LNP1: variants seen among roughly 807,000 people sequenced by gnomAD.
LNP1 encodes the protein leukemia NUP98 fusion partner 1.
In LNP1, 12 loss-of-function variants were observed where a neutral mutation model predicts 14.5. That is an observed-to-expected ratio of 0.83 (90% CI 0.53 to 1.34). The LOEUF is 1.34. Ranked by LOEUF, LNP1 falls within the 40% of genes most tolerant of loss-of-function variation. The pLI is 0.00. For missense variants in LNP1, 198 were observed against 210.9 expected, an observed-to-expected ratio of 0.94 and a Z score of 0.38; for synonymous variants, 75 against 71.4, an observed-to-expected ratio of 1.05 and a Z score of -0.26.
chr3:100,450,243 A>G (rs2148908328), intron 2 of LNP1, among the ~76,000 whole-genome samples: 1 of 149,938 alleles, frequency 6.7e-6, no homozygotes, highest in Middle Eastern at 3.4e-3. Flanking sequence ...GAAACAAACA[A>G]CAATAAAAAA....
intron 1 of LNP1, among the ~76,000 whole-genome samples, chr3:100,410,426 C>G (rs1215399797): frequency 6.6e-6 from 1 of 152,154 alleles, no homozygotes; most frequent in Non-Finnish European, 1.5e-5. Context: ...AAGAATATGG[C>G]TGCATTGTGT....
chr3:100,451,306 A>G (rs1282018281), intron 2 of LNP1, among the ~76,000 whole-genome samples: 1 of 152,206 alleles, frequency 6.6e-6, no homozygotes, highest in Non-Finnish European at 1.5e-5. Context: ...CAAAATGAAC[A>G]TTGGTTCGAT....
chr3:100,416,595 TTTTTTGTGTGTGTGTGTGTGTGTG>T (rs1707085486), intron 1 of LNP1, among the ~76,000 whole-genome samples: 1 of 73,074 alleles, frequency 1.4e-5, no homozygotes, highest in Non-Finnish European at 2.5e-5. Context: ...TGAGTATATC[TTTTTTGTGTGTGTGTGTGTGTGTG>T]TGTGTGTGTG....
intron 2 of LNP1, among the ~76,000 whole-genome samples, chr3:100,446,615 T>C (rs1283499862): frequency 6.6e-6 from 1 of 152,062 alleles, no homozygotes; most frequent in Non-Finnish European, 1.5e-5. Context: ...CTAATTAAAC[T>C]AAAGAGCTTC....
At chr3:100,436,274 T>A (rs1460510599) in intron 2 of LNP1, among the ~76,000 whole-genome samples, 1 of 152,138 alleles carries the variant, frequency 6.6e-6, no homozygotes, top group African/African-American at 2.4e-5. Context: ...TATTTTAACA[T>A]TAATGCTGGT....
intron 1 of LNP1, among the ~76,000 whole-genome samples, chr3:100,429,277 T>C (rs1418100761): frequency 1.3e-5 from 2 of 152,186 alleles, no homozygotes; most frequent in Non-Finnish European, 2.9e-5. Context: ...CTGTTCCTTG[T>C]ATGTGGCCCC....
intron 2 of LNP1, among the ~76,000 whole-genome samples, chr3:100,435,427 G>T (rs1396128215): frequency 6.6e-6 from 1 of 152,180 alleles, no homozygotes; most frequent in Non-Finnish European, 1.5e-5. Flanking sequence ...ACCTCATAAA[G>T]GTGCTGTGAA....
At chr3:100,417,360 CTTTCTTT>C (rs1559840940) in intron 1 of LNP1, among the ~76,000 whole-genome samples, 11 of 104,996 alleles carry the variant, frequency 1.0e-4, no homozygotes, top group Admixed American at 4.2e-4. Context: ...TTCTTTCTTT[CTTTCTTT>C]TTTCTTTTTT....
chr3:100,429,097 C>T (rs961443378), intron 1 of LNP1, among the ~76,000 whole-genome samples: 7 of 152,058 alleles, frequency 4.6e-5, no homozygotes, highest in African/African-American at 1.4e-4. Context: ...ACATTTTACA[C>T]GTACTTGTAT....
chr3:100,442,945 A>C (rs1048876691), intron 2 of LNP1, among the ~76,000 whole-genome samples: 10 of 152,164 alleles, frequency 6.6e-5, no homozygotes, highest in African/African-American at 2.4e-4. Flanking sequence ...ATGAAGAGAA[A>C]ATAGGAGGAG....
At chr3:100,432,017 TA>T (rs1707247703) in intron 2 of LNP1, among the ~76,000 whole-genome samples, 1 of 28,078 alleles carries the variant, frequency 3.6e-5, no homozygotes. Context: ...TATATATATA[TA>T]TATATATATA....
intron 2 of LNP1, among the ~76,000 whole-genome samples, chr3:100,448,612 T>G (rs1264434210): frequency 6.6e-6 from 1 of 152,182 alleles, no homozygotes; most frequent in African/African-American, 2.4e-5. Context: ...ATAATATTAT[T>G]TTACCAATAA....
intron 2 of LNP1, among the ~76,000 whole-genome samples, chr3:100,433,353 G>A (rs111285073): frequency 0.021 from 3,150 of 152,176 alleles, 115 homozygotes; most frequent in African/African-American, 0.072. Context: ...TTTGCTGAGG[G>A]TGATGGCTTC....
intron 1 of LNP1, among the ~76,000 whole-genome samples, chr3:100,410,463 C>G (rs930798731): frequency 1.3e-5 from 2 of 152,044 alleles, no homozygotes; most frequent in Non-Finnish European, 2.9e-5. Flanking sequence ...GTAGAACTTG[C>G]AAGTGATGAA....
chr3:100,418,866 C>T (rs1707116760), intron 1 of LNP1, among the ~76,000 whole-genome samples: 1 of 152,198 alleles, frequency 6.6e-6, no homozygotes, highest in Non-Finnish European at 1.5e-5. Context: ...TTTGTACTCA[C>T]TCAGTATTGG....
intron 2 of LNP1, among the ~76,000 whole-genome samples, chr3:100,435,231 C>G (rs10936200): frequency 0.24 from 35,932 of 152,150 alleles, 5,028 homozygotes; most frequent in Admixed American, 0.31. Context: ...ACTTTTCTCT[C>G]TTCTTCTAGG....
intron 2 of LNP1, among the ~76,000 whole-genome samples, chr3:100,436,253 G>A (rs1185060299): frequency 6.6e-6 from 1 of 152,130 alleles, no homozygotes; most frequent in Non-Finnish European, 1.5e-5. Context: ...TTCTGTCAGT[G>A]TTAGGATCTC....
chr3:100,438,883 T>A (rs1158355147), intron 2 of LNP1, among the ~76,000 whole-genome samples: 1 of 152,190 alleles, frequency 6.6e-6, no homozygotes, highest in African/African-American at 2.4e-5. Context: ...GGTGAGGCTA[T>A]TTTAAGCCAT....
intron 3 of LNP1, among the ~76,000 whole-genome samples, chr3:100,453,731 G>A (rs1707482786): frequency 6.6e-6 from 1 of 151,958 alleles, no homozygotes; most frequent in South Asian, 2.1e-4. Flanking sequence ...ATGTTAACAT[G>A]TCCCTATTTG....
Sources: gnomAD v4.1 joint callset for allele counts (sites outside exome capture counted in the v4.1 genomes callset) on GRCh38, gnomAD v4.1.1 for gene constraint, MANE v1.5 for transcripts, NCBI Gene and HGNC (gene_info 2026-07-23, HGNC 2026-07-21) for gene names.